The following FGD4 variants were observed in gnomAD, a reference collection of about 807,000 sequenced individuals.
FGD4 encodes the protein FYVE, RhoGEF and PH domain-containing protein 4.
In FGD4, 42 loss-of-function variants were observed where a neutral mutation model predicts 102.0. The ratio of observed to expected loss-of-function variants is 0.41; its 90% CI spans 0.32 to 0.53. The LOEUF (loss-of-function observed/expected upper bound fraction) is 0.53, where lower values mean the gene tolerates loss of function less well. Among genes scored for constraint, FGD4 ranks in the 20% least tolerant of loss-of-function variants. The pLI is 0.21. For missense variants in FGD4, 902 were observed against 1,078.2 expected (o/e 0.84, Z 2.29); for synonymous variants, 380 against 375.7 (o/e 1.01, Z -0.13).
intron 10 of FGD4, among the ~76,000 whole-genome samples, chr12:32,618,577 A>T (rs1949590872): frequency 6.6e-6 from 1 of 152,202 alleles, no homozygotes; most frequent in Non-Finnish European, 1.5e-5. Flanking sequence ...TCACACTATA[A>T]TCCCAGCACT....
In FGD4 at chr12:32,492,647, CATAAT is replaced by C. The variant is rs1189445739; in HGVS notation, c.167-71486_167-71482del. ...GATGTACAATATGCTGCTTTATAAACATAATATATTTGTGATATATTCATGTGTAG... is the reference window on the plus strand; with the variant it reads ...GATGTACAATATGCTGCTTTATAAACATATTTGTGATATATTCATGTGTAG... On this transcript the variant is annotated intron_variant, in intron 1 of 16. Transcript: ENST00000534526. 2.0e-5 allele frequency among the ~76,000 whole-genome samples: 3 copies of C among 152,036 alleles called. No individual in the cohort carries two copies. The East Asian group carries it at 5.8e-4, about 29-fold the overall frequency.
chr12:32,525,473 C>CTG (rs758308965), intron 1 of FGD4, among the ~76,000 whole-genome samples: 5 of 152,254 alleles, frequency 3.3e-5, no homozygotes, highest in Non-Finnish European at 5.9e-5. Context: ...TGATGTGTAG[C>CTG]TGTAGTTCAT....
intron 1 of FGD4, among the ~76,000 whole-genome samples, chr12:32,533,182 G>C (rs1410537680): frequency 6.6e-6 from 1 of 152,160 alleles, no homozygotes; most frequent in African/African-American, 2.4e-5. Context: ...TCACCTGGGA[G>C]CTTGTTAGAA....
At chr12:32,517,466 A>AT (rs1940013797) in intron 1 of FGD4, among the ~76,000 whole-genome samples, 1 of 152,188 alleles carries the variant, frequency 6.6e-6, no homozygotes, top group African/African-American at 2.4e-5. Flanking sequence ...TCCTTATTAA[A>AT]TTATCATTAC....
intron 1 of FGD4, among the ~76,000 whole-genome samples, chr12:32,542,670 C>G (rs1942933078): frequency 6.6e-6 from 1 of 152,210 alleles, no homozygotes; most frequent in Non-Finnish European, 1.5e-5. Context: ...TAGAAAAAGG[C>G]TTTTGCCTTT....
intron 1 of FGD4, among the ~76,000 whole-genome samples, chr12:32,525,762 T>C (rs967971454): frequency 3.9e-5 from 6 of 152,188 alleles, no homozygotes; most frequent in Non-Finnish European, 8.8e-5. Context: ...GGCCCCGCAC[T>C]CGGAGCAGCC....
At chr12:32,520,420 T>C (rs116130403) in intron 1 of FGD4, among the ~76,000 whole-genome samples, 8,486 of 140,742 alleles carry the variant, frequency 0.06, 638 homozygotes, top group African/African-American at 0.17. Flanking sequence ...TAAGTTCTAT[T>C]GTGGGTTTTT....
intron 4 of FGD4, among the ~76,000 whole-genome samples, chr12:32,592,365 ATAAAT>A (rs1947555426): frequency 6.6e-6 from 1 of 152,054 alleles, no homozygotes; most frequent in Non-Finnish European, 1.5e-5. Flanking sequence ...TTGAAAAACT[ATAAAT>A]TATATTTTAA....
intron 1 of FGD4, among the ~76,000 whole-genome samples, chr12:32,485,596 A>G (rs1470826886): frequency 1.3e-5 from 2 of 150,910 alleles, no homozygotes; most frequent in African/African-American, 2.4e-5. Flanking sequence ...GCCTGCCACC[A>G]CGCCTGGCTA....
At chr12:32,436,874 T>G (rs1028663169) in intron 1 of FGD4, among the ~76,000 whole-genome samples, 3 of 151,172 alleles carry the variant, frequency 2.0e-5, no homozygotes, top group Non-Finnish European at 3.0e-5. Flanking sequence ...TCCCAGCAAT[T>G]TGGGAGGCCA....
intron 1 of FGD4, among the ~76,000 whole-genome samples, chr12:32,538,938 C>T (rs951616849): frequency 6.6e-6 from 1 of 152,100 alleles, no homozygotes; most frequent in African/African-American, 2.4e-5. Context: ...CCTGTAGTCC[C>T]ATCTACTCAG....
intron 4 of FGD4, among the ~76,000 whole-genome samples, chr12:32,591,494 A>T (rs1366053038): frequency 1.3e-5 from 2 of 152,230 alleles, no homozygotes; most frequent in Non-Finnish European, 2.9e-5. Context: ...AGGAAATCAT[A>T]ATTGTTTTTA....
At chr12:32,566,036 G>C (rs918995832) in intron 2 of FGD4, among the ~76,000 whole-genome samples, 1 of 152,144 alleles carries the variant, frequency 6.6e-6, no homozygotes, top group Non-Finnish European at 1.5e-5. Flanking sequence ...AAATTGGGTA[G>C]CTTATAAACA....
At chr12:32,538,871 C>T (rs117432260) in intron 1 of FGD4, among the ~76,000 whole-genome samples, 3,676 of 152,052 alleles carry the variant, frequency 0.024, 67 homozygotes, top group Non-Finnish European at 0.04. Context: ...TGGCTAACAC[C>T]GTGAAACTCC....
intron 16 of FGD4, chr12:32,639,073 A>C (rs1428151468): frequency 1.5e-6 from 1 of 674,918 alleles, no homozygotes; most frequent in Admixed American, 3.9e-5. Context: ...CATGAGGAGA[A>C]GGGGAAGCAA....
chr12:32,566,446 G>A (rs1945194717), intron 2 of FGD4, among the ~76,000 whole-genome samples: 1 of 152,146 alleles, frequency 6.6e-6, no homozygotes, highest in African/African-American at 2.4e-5. Context: ...CCTGCTGTAT[G>A]TTTTACTCAT....
At chr12:32,450,728 G>T (rs1312991319) in intron 1 of FGD4, among the ~76,000 whole-genome samples, 1 of 152,184 alleles carries the variant, frequency 6.6e-6, no homozygotes, top group Admixed American at 6.5e-5. Flanking sequence ...ACATTTACAT[G>T]TTGTCTCTCT....
At chr12:32,401,823 G>A (rs1940676788) in intron 1 of FGD4, among the ~76,000 whole-genome samples, 1 of 148,502 alleles carries the variant, frequency 6.7e-6, no homozygotes, top group Non-Finnish European at 1.5e-5. Flanking sequence ...CTGCCTCCTG[G>A]CTTCAAGATT....
intron 4 of FGD4, among the ~76,000 whole-genome samples, 173 bp from the exon 5 acceptor site, chr12:32,598,324 A>G (rs949909502): frequency 6.6e-6 from 1 of 152,208 alleles, no homozygotes; most frequent in Non-Finnish European, 1.5e-5. Context: ...GCTGCTTGCT[A>G]ATTTCTAATT....
Sources: gnomAD v4.1 joint callset for allele counts (sites outside exome capture counted in the v4.1 genomes callset) on GRCh38, gnomAD v4.1.1 for gene constraint, MANE v1.5 for transcripts, NCBI Gene and HGNC (gene_info 2026-07-23, HGNC 2026-07-21) for gene names.